CERS3: variants seen among roughly 807,000 people sequenced by gnomAD.
The protein encoded by CERS3 is ceramide synthase 3.
Under a neutral mutation model 50.3 loss-of-function variants are expected in CERS3, and 33 were observed. The ratio of observed to expected loss-of-function variants is 0.66; its 90% CI spans 0.50 to 0.88. The LOEUF (loss-of-function observed/expected upper bound fraction) is 0.88, where lower values mean the gene tolerates loss of function less well. Among genes scored for constraint, CERS3 ranks in the 40% least tolerant of loss-of-function variants. The pLI, the probability that CERS3 is intolerant of heterozygous loss-of-function variation, is 0.00. For synonymous variants in CERS3, 176 were observed against 155.2 expected (o/e 1.13, Z -0.99); for missense variants, 470 against 460.3 (o/e 1.02, Z -0.19).
intron 11 of CERS3, among the ~76,000 whole-genome samples, chr15:100,411,429 T>A (rs2031483736): frequency 6.6e-6 from 1 of 152,186 alleles, no homozygotes; most frequent in Admixed American, 6.5e-5. Flanking sequence ...CCCAAAGTGT[T>A]GGGATTACAG....
chr15:100,535,519 G>A (rs2037049229), intron 1 of CERS3, among the ~76,000 whole-genome samples: 1 of 152,160 alleles, frequency 6.6e-6, no homozygotes, highest in Admixed American at 6.5e-5. Flanking sequence ...GTATCCATAT[G>A]TGCACGGGAA....
chr15:100,461,220 C>A (rs1233901793), intron 10 of CERS3, among the ~76,000 whole-genome samples: 1 of 152,194 alleles, frequency 6.6e-6, no homozygotes, highest in Non-Finnish European at 1.5e-5. Flanking sequence ...AGTCACTGAG[C>A]CTTAGTTCCT....
intron 1 of CERS3, among the ~76,000 whole-genome samples, chr15:100,543,822 A>C (rs1411719468): frequency 6.6e-5 from 10 of 152,166 alleles, no homozygotes; most frequent in Non-Finnish European, 1.5e-5. Flanking sequence ...GTGCCACCGC[A>C]CGTGGCTGTG....
chr15:100,491,660 G>A, intron 3 of CERS3, among the ~76,000 whole-genome samples: 1 of 152,002 alleles, frequency 6.6e-6, no homozygotes, highest in East Asian at 1.9e-4. Context: ...TTACATTATT[G>A]ATTTGAGGTC....
At chr15:100,471,778 G>A (rs779699502) in intron 9 of CERS3, among the ~76,000 whole-genome samples, 5 of 152,134 alleles carry the variant, frequency 3.3e-5, no homozygotes, top group Non-Finnish European at 7.3e-5. Flanking sequence ...TACATACAGG[G>A]TAGAAACAAA....
chr15:100,417,546 CAGCCTGGA>C (rs1319841745), intron 11 of CERS3, among the ~76,000 whole-genome samples: 1 of 151,980 alleles, frequency 6.6e-6, no homozygotes, highest in African/African-American at 2.4e-5. Context: ...GTAAATAAAG[CAGCCTGGA>C]AGCTCGAACT....
In CERS3 at chr15:100,479,484, A is replaced by AG. The variant is rs752459976; in HGVS notation, c.466-7dup. On this transcript the variant is annotated splice_region_variant and splice_polypyrimidine_tract_variant and intron_variant, in intron 6 of 11. Coordinates refer to ENST00000679737, the MANE Select transcript of CERS3 (RefSeq NM_001378789.1). ...AAGTCATATAGCCAAGGTTTCTGAA[A>AG]GAAGAAAAAAAAAAAGAGCCAACAG... 3.8e-6 allele frequency: 6 copies of AG among 1,591,024 alleles called. No individual in the cohort carries two copies. The highest frequency in any genetic ancestry group is 5.1e-6 in the Non-Finnish European group (6 of 1,172,998).
rs915585964 is a variant in CERS3, at chr15:100,496,397, G to A, written c.173+5280C>T. 2.0e-5 allele frequency among the ~76,000 whole-genome samples: 3 copies of A among 152,108 alleles called. No homozygotes were observed. In the South Asian group the frequency reaches 6.2e-4, roughly 32 times the overall value. ...ACATAACATGAAAAAAATCTTAAAA[G>A]CATTAAGCTTAATGAAAGAAGTCGA... On this transcript the variant is annotated intron_variant, in intron 3 of 11. Transcript: ENST00000679737.
chr15:100,528,519 A>G (rs912103622), intron 1 of CERS3, among the ~76,000 whole-genome samples: 24 of 152,292 alleles, frequency 1.6e-4, no homozygotes, highest in Admixed American at 5.9e-4. Flanking sequence ...CCCGAGAGCA[A>G]TGCAGGTCAG....
chr15:100,454,500 C>T (rs1185337790), intron 11 of CERS3, among the ~76,000 whole-genome samples: 1 of 151,696 alleles, frequency 6.6e-6, no homozygotes, highest in Non-Finnish European at 1.5e-5. Context: ...TGGATATCCA[C>T]ATGCAGAAGA....
intron 11 of CERS3, among the ~76,000 whole-genome samples, chr15:100,415,821 T>C (rs996874803): frequency 6.6e-5 from 10 of 151,756 alleles, no homozygotes; most frequent in African/African-American, 1.9e-4. Context: ...GGAGGGAGCA[T>C]TCGGACAAAT....
intron 8 of CERS3, among the ~76,000 whole-genome samples, chr15:100,474,804 T>C (rs745978417): frequency 1.3e-5 from 2 of 152,226 alleles, no homozygotes; most frequent in Non-Finnish European, 2.9e-5. Context: ...AGATCAAGTT[T>C]AGAGAGTTTA....
At chr15:100,538,929 T>C (rs1038537228) in intron 1 of CERS3, among the ~76,000 whole-genome samples, 21 of 152,218 alleles carry the variant, frequency 1.4e-4, no homozygotes, top group African/African-American at 4.8e-4. Context: ...TCTTTGTGAA[T>C]GCGTAAAACT....
intron 2 of CERS3, among the ~76,000 whole-genome samples, chr15:100,514,449 A>C (rs2036436594): frequency 6.6e-6 from 1 of 152,192 alleles, no homozygotes; most frequent in African/African-American, 2.4e-5. Flanking sequence ...CTAGATAATA[A>C]ATTTTAGGAG....
intron 4 of CERS3, 98 bp from the exon 5 acceptor site, chr15:100,484,766 G>A: frequency 1.2e-6 from 1 of 841,360 alleles, no homozygotes; most frequent in South Asian, 1.5e-5. Context: ...CTTCGGTACT[G>A]GGGATGAGAG....
intron 7 of CERS3, among the ~76,000 whole-genome samples, chr15:100,477,707 A>C (rs2035175999): frequency 6.6e-6 from 1 of 152,246 alleles, no homozygotes; most frequent in Non-Finnish European, 1.5e-5. Flanking sequence ...ACTAAGAAAC[A>C]GCAGAAGTTA....
At chr15:100,541,020 G>A (rs190895043) in intron 1 of CERS3, among the ~76,000 whole-genome samples, 60 of 152,274 alleles carry the variant, frequency 3.9e-4, no homozygotes, top group Admixed American at 1.8e-3. Flanking sequence ...GGCAGATACC[G>A]TCCCTGCTTT....
At chr15:100,506,463 C>CCCCA (rs1382274378) in intron 2 of CERS3, among the ~76,000 whole-genome samples, 1 of 14,822 alleles carries the variant, frequency 6.7e-5, no homozygotes, top group African/African-American at 1.3e-4. Flanking sequence ...AAATCGGGAC[C>CCCCA]CCCCCGCCGC....
chr15:100,511,123 C>T (rs4412961), intron 2 of CERS3, among the ~76,000 whole-genome samples: 136,646 of 151,864 alleles, frequency 0.9, 61,888 homozygotes, highest in Non-Finnish European at 0.96. Flanking sequence ...ACTGCATCTC[C>T]ACTAAAAATA....
Sources: allele counts gnomAD v4.1 joint callset (sites outside exome capture counted in the v4.1 genomes callset), GRCh38; gene constraint gnomAD v4.1.1; transcripts MANE v1.5; gene names NCBI Gene and HGNC (gene_info 2026-07-23, HGNC 2026-07-21).